PSME4: variants seen among roughly 807,000 people sequenced by gnomAD.
The protein encoded by PSME4 is proteasome activator subunit 4.
In PSME4, 89 loss-of-function variants were observed where a neutral mutation model predicts 253.9. The observed-to-expected ratio is 0.35, with a 90% CI of 0.30 to 0.42. The LOEUF is 0.42. Among genes scored for constraint, PSME4 ranks in the 10% least tolerant of loss-of-function variants. The pLI, the probability that PSME4 is intolerant of heterozygous loss-of-function variation, is 1.00. For synonymous variants in PSME4, 851 were observed against 759.2 expected, an observed-to-expected ratio of 1.12 and a Z score of -1.99; for missense variants, 2,014 against 2,195.2, an observed-to-expected ratio of 0.92 and a Z score of 1.65.
intron 27 of PSME4, 85 bp downstream of exon 27, chr2:53,903,940 A>G: frequency 9.2e-7 from 1 of 1,089,102 alleles, no homozygotes; most frequent in South Asian, 1.7e-5. Context: ...GTGGTGAAGA[A>G]GATATGGATG....
intron 19 of PSME4, among the ~76,000 whole-genome samples, chr2:53,919,858 G>A (rs1668218543): frequency 6.6e-6 from 1 of 151,990 alleles, no homozygotes; most frequent in African/African-American, 2.4e-5. Flanking sequence ...ATAAAATTTT[G>A]AGAACCCAAT....
At chr2:53,907,081 C>G (rs1302995354) in intron 24 of PSME4, among the ~76,000 whole-genome samples, 1 of 152,016 alleles carries the variant, frequency 6.6e-6, no homozygotes, top group Non-Finnish European at 1.5e-5. Context: ...TTTTAAATAG[C>G]CCATCCAACA....
chr2:53,904,995 C>CA (rs926849687), intron 26 of PSME4, among the ~76,000 whole-genome samples: 15 of 145,666 alleles, frequency 1.0e-4, no homozygotes, highest in African/African-American at 3.5e-4. Flanking sequence ...CTCAAACAAA[C>CA]AAAAAAAGAG....
chr2:53,895,873 T>C (rs1237302265), intron 32 of PSME4, 137 bp from the exon 33 acceptor site: 2 of 728,596 alleles, frequency 2.7e-6, no homozygotes, highest in Non-Finnish European at 2.1e-6. Context: ...ATAACATATA[T>C]ATGAGCAATT....
In PSME4 at chr2:53,958,077, T is replaced by G. The variant is rs937896161; in HGVS notation, c.243-8794A>C. 2.7e-5 allele frequency among the ~76,000 whole-genome samples: 4 copies of G among 150,588 alleles called. No individual in the cohort carries two copies. The East Asian group carries it at 5.9e-4, about 22-fold the overall frequency. Reference sequence around the variant, plus strand: ...GGCACACGCCTGTAGTCCCAGCTACTCAGGAGGCTGGGCCAGGAGAATTGC... The same window carrying G: ...GGCACACGCCTGTAGTCCCAGCTACGCAGGAGGCTGGGCCAGGAGAATTGC... On this transcript the variant is annotated intron_variant, in intron 1 of 46. Coordinates refer to ENST00000404125, the MANE Select transcript of PSME4 (RefSeq NM_014614.3).
rs76274355 is a variant in PSME4, at chr2:53,879,879, C to A, written c.4816-4124G>T. On this transcript the variant is annotated intron_variant, in intron 41 of 46. Transcript: ENST00000404125. ...AACATCAACTGGTGCGATGTCAGAA[C>A]ACATTATTTTTTATCCCTGGCATGT... is the stretch of plus-strand genomic sequence containing the variant. Among the ~76,000 whole-genome samples, 14 of 149,048 alleles carry A rather than the reference C, an allele frequency of 9.4e-5. No homozygotes were observed. The East Asian group carries it at 2.8e-3, about 30-fold the overall frequency.
At chr2:53,932,614 A>G in intron 9 of PSME4, 54 bp downstream of exon 9, 1 of 1,407,508 alleles carries the variant, frequency 7.1e-7, no homozygotes, top group Non-Finnish European at 1.0e-6. Context: ...ATAGTCAAGG[A>G]TGACCATATC....
intron 1 of PSME4, among the ~76,000 whole-genome samples, chr2:53,965,697 G>A (rs549017203): frequency 3.5e-5 from 5 of 142,744 alleles, no homozygotes; most frequent in Non-Finnish European, 1.5e-5. Flanking sequence ...TCAGAGTCTC[G>A]CTCTGTCGCC....
intron 1 of PSME4, among the ~76,000 whole-genome samples, chr2:53,966,558 G>A (rs1670746372): frequency 6.7e-6 from 1 of 149,556 alleles, no homozygotes; most frequent in South Asian, 2.1e-4. Context: ...CAGCTACTCT[G>A]TCTCCAAAAA....
chr2:53,957,886 T>C (rs1305895889), intron 1 of PSME4, among the ~76,000 whole-genome samples: 4 of 152,188 alleles, frequency 2.6e-5, no homozygotes, highest in African/African-American at 9.6e-5. Context: ...TACGAACACT[T>C]TGAGCTTACA....
At chr2:53,966,401 C>T (rs547600124) in intron 1 of PSME4, among the ~76,000 whole-genome samples, 1 of 152,286 alleles carries the variant, frequency 6.6e-6, no homozygotes, top group Non-Finnish European at 1.5e-5. Flanking sequence ...GTGGCTCACG[C>T]CCATAATCCG....
rs919775739 is a variant in PSME4, at chr2:53,864,476, A to C, written c.*1102T>G. On this transcript the variant is annotated 3_prime_UTR_variant, in exon 47 of 47. Coordinates refer to ENST00000404125, the MANE Select transcript of PSME4 (RefSeq NM_014614.3). ...CATCTCAGTTTTTGTAACAAGATAA[A>C]GAAAATAATTTAAAAACACAAAAAA... The C allele has an allele frequency of 1.3e-5, 2 of 152,488 alleles. No individual in the cohort carries two copies. The highest frequency in any genetic ancestry group is 4.8e-5 in the African/African-American group (2 of 41,438). 9.4% of individuals were successfully genotyped at this position (152,488 alleles called of 1,614,324 possible).
chr2:53,970,154 C>T (rs973311382), intron 1 of PSME4, among the ~76,000 whole-genome samples: 36 of 152,162 alleles, frequency 2.4e-4, no homozygotes, highest in African/African-American at 8.0e-4. Flanking sequence ...GGAACTCCCC[C>T]AAAGACAAAT....
chr2:53,866,629 G>C (rs1020708446), intron 45 of PSME4, 118 bp downstream of exon 45: 2 of 1,126,602 alleles, frequency 1.8e-6, no homozygotes, highest in Admixed American at 2.9e-5. Context: ...ACTAAGCCTT[G>C]GCAGAGGCAG....
At chr2:53,964,860 T>C (rs1350528288) in intron 1 of PSME4, among the ~76,000 whole-genome samples, 1 of 152,228 alleles carries the variant, frequency 6.6e-6, no homozygotes, top group Non-Finnish European at 1.5e-5. Flanking sequence ...TCAACTGGGA[T>C]AATCAATCCA....
intron 14 of PSME4, among the ~76,000 whole-genome samples, 198 bp from the exon 15 acceptor site, chr2:53,923,617 C>T (rs1257898122): frequency 1.3e-5 from 2 of 152,150 alleles, no homozygotes; most frequent in African/African-American, 4.8e-5. Context: ...ACGATCCTAA[C>T]TTGAACAAAA....
intron 36 of PSME4, among the ~76,000 whole-genome samples, chr2:53,890,803 G>A (rs1679870363): frequency 1.3e-5 from 2 of 152,298 alleles, no homozygotes; most frequent in Non-Finnish European, 2.9e-5. Context: ...CAAGGCAGGA[G>A]GATCACTTGA....
intron 1 of PSME4, among the ~76,000 whole-genome samples, chr2:53,958,183 CAAAAAAAAA>C (rs1211892917): frequency 4.6e-5 from 3 of 65,814 alleles, no homozygotes; most frequent in Admixed American, 3.5e-4. Context: ...AAGACTCTGT[CAAAAAAAAA>C]AAAAAAAAAA....
chr2:53,896,681 T>C (rs1292698750), intron 32 of PSME4, 123 bp downstream of exon 32: 12 of 707,630 alleles, frequency 1.7e-5, no homozygotes, highest in Non-Finnish European at 9.7e-6. Context: ...CATAATATTA[T>C]TTATATTTTG....
Sources: gnomAD v4.1 joint callset for allele counts (sites outside exome capture counted in the v4.1 genomes callset) on GRCh38, gnomAD v4.1.1 for gene constraint, MANE v1.5 for transcripts, NCBI Gene and HGNC (gene_info 2026-07-23, HGNC 2026-07-21) for gene names.